Variants in SPMAP2L observed in about 807,000 individuals in gnomAD.
SPMAP2L encodes the protein sperm microtubule associated protein 2 like.
chr4:56,588,745 T>G, the SPMAP2L span, among the ~76,000 whole-genome samples: 1 of 152,162 alleles, frequency 6.6e-6, no homozygotes, highest in Non-Finnish European at 1.5e-5. Flanking sequence ...TCTAGAATTT[T>G]TATAGTTTCA....
chr4:56,559,895 C>T, the SPMAP2L span, among the ~76,000 whole-genome samples: 1 of 152,100 alleles, frequency 6.6e-6, no homozygotes, highest in South Asian at 2.1e-4. Flanking sequence ...GGAAAATGGA[C>T]ATAGAGCTTT....
At chr4:56,560,845 A>G in the SPMAP2L span, among the ~76,000 whole-genome samples, 1 of 152,104 alleles carries the variant, frequency 6.6e-6, no homozygotes, top group African/African-American at 2.4e-5. Flanking sequence ...TCCTGGGTTC[A>G]AGTAATTCTC....
the SPMAP2L span, among the ~76,000 whole-genome samples, chr4:56,562,149 T>C: frequency 1.3e-5 from 2 of 152,064 alleles, no homozygotes; most frequent in African/African-American, 4.8e-5. Context: ...TTACGGGGGA[T>C]ATACAAGGTA....
the SPMAP2L span, among the ~76,000 whole-genome samples, chr4:56,605,731 A>C: frequency 6.6e-6 from 1 of 152,014 alleles, no homozygotes; most frequent in Non-Finnish European, 1.5e-5. Flanking sequence ...ACAGATCCTC[A>C]GCATTTCAAA....
chr4:56,552,644 G>C, the SPMAP2L span: 1 of 1,232,530 alleles, frequency 8.1e-7, no homozygotes, highest in South Asian at 1.3e-5. Flanking sequence ...TCCTGTTTGT[G>C]ATGATTGTGT....
the SPMAP2L span, among the ~76,000 whole-genome samples, chr4:56,581,122 G>A: frequency 6.6e-6 from 1 of 151,694 alleles, no homozygotes; most frequent in Non-Finnish European, 1.5e-5. Context: ...AGGAAAAGAG[G>A]AACTTAACAT....
At chr4:56,595,465 C>A in the SPMAP2L span, 7 of 1,600,848 alleles carry the variant, frequency 4.4e-6, no homozygotes, top group African/African-American at 9.4e-5. Flanking sequence ...TGAGGAGGGC[C>A]GCATCGACCC....
the SPMAP2L span, chr4:56,596,444 CTAAA>C: frequency 1.4e-6 from 2 of 1,429,142 alleles, no homozygotes; most frequent in Non-Finnish European, 1.8e-6. Flanking sequence ...TAATCTTGAA[CTAAA>C]TAGTGTTTAT....
At chr4:56,567,129 G>T in the SPMAP2L span, among the ~76,000 whole-genome samples, 1 of 152,014 alleles carries the variant, frequency 6.6e-6, no homozygotes, top group Admixed American at 6.6e-5. Context: ...CTTTTAAGGA[G>T]ATTTTTAAAA....
chr4:56,575,625 A>G, the SPMAP2L span: 2 of 1,535,434 alleles, frequency 1.3e-6, no homozygotes, highest in Non-Finnish European at 8.7e-7. Flanking sequence ...GATTCAAAAG[A>G]CAGTGTCTAC....
chr4:56,557,499 GA>G, the SPMAP2L span, among the ~76,000 whole-genome samples: 1 of 152,132 alleles, frequency 6.6e-6, no homozygotes, highest in South Asian at 2.1e-4. Context: ...TTAAAGAGAT[GA>G]AAGCTAAATA....
the SPMAP2L span, among the ~76,000 whole-genome samples, chr4:56,619,093 T>C: frequency 4.6e-5 from 7 of 152,326 alleles, no homozygotes; most frequent in Admixed American, 6.5e-5. Flanking sequence ...TATGATAAAG[T>C]TTAATTTATA....
chr4:56,611,440 C>T, the SPMAP2L span, among the ~76,000 whole-genome samples: 5 of 151,986 alleles, frequency 3.3e-5, no homozygotes, highest in Middle Eastern at 3.2e-3. Flanking sequence ...GTGTGGGAAG[C>T]GGGTGAGGGA....
chr4:56,592,237 T>G, the SPMAP2L span, among the ~76,000 whole-genome samples: 1 of 152,182 alleles, frequency 6.6e-6, no homozygotes, highest in African/African-American at 2.4e-5. Context: ...CCCTAAACCA[T>G]CCTTTTCCCA....
the SPMAP2L span, among the ~76,000 whole-genome samples, chr4:56,590,250 T>C: frequency 2.0e-5 from 3 of 152,254 alleles, no homozygotes; most frequent in African/African-American, 7.2e-5. Flanking sequence ...TTTCTGCATC[T>C]ATTGAGATGA....
chr4:56,551,300 G>A, the SPMAP2L span, among the ~76,000 whole-genome samples: 28 of 152,250 alleles, frequency 1.8e-4, 1 homozygote, highest in Admixed American at 1.7e-3. Flanking sequence ...ACTTTCTGTG[G>A]GGTAGGAGTG....
the SPMAP2L span, among the ~76,000 whole-genome samples, chr4:56,574,980 G>A: frequency 6.6e-6 from 1 of 152,096 alleles, no homozygotes; most frequent in African/African-American, 2.4e-5. Flanking sequence ...GCTGGGCGCG[G>A]TGGCTCATGC....
the SPMAP2L span, among the ~76,000 whole-genome samples, chr4:56,623,922 C>A: frequency 6.6e-6 from 1 of 152,014 alleles, no homozygotes. Context: ...GAAACGATAC[C>A]CAAAAATGTG....
At chr4:56,607,270 T>G in the SPMAP2L span, among the ~76,000 whole-genome samples, 1 of 152,188 alleles carries the variant, frequency 6.6e-6, no homozygotes, top group Non-Finnish European at 1.5e-5. Context: ...TTTTCTCTTT[T>G]TGCCATGTAA....
Sources: gnomAD v4.1 joint callset for allele counts (sites outside exome capture counted in the v4.1 genomes callset) on GRCh38, gnomAD v4.1.1 for gene constraint, MANE v1.5 for transcripts, NCBI Gene and HGNC (gene_info 2026-07-23, HGNC 2026-07-21) for gene names.